Variants in SYNJ2BP observed in about 807,000 individuals in gnomAD.
The protein encoded by SYNJ2BP is synaptojanin-2-binding protein.
A neutral mutation model predicts 16.9 loss-of-function variants in SYNJ2BP; 10 were observed. The ratio of observed to expected loss-of-function variants is 0.59; its 90% CI spans 0.36 to 1.00. The LOEUF (loss-of-function observed/expected upper bound fraction) is 1.00. Among genes scored for constraint, SYNJ2BP ranks in the 50% least tolerant of loss-of-function variants. SYNJ2BP has a pLI of 0.01. For missense variants in SYNJ2BP, 162 were observed against 186.7 expected (o/e 0.87, Z 0.77); for synonymous variants, 54 against 68.4 (o/e 0.79, Z 1.04).
In SYNJ2BP at chr14:70,417,041, C is replaced by T. The variant is rs529848071; in HGVS notation, c.-78G>A. 1,438 of 1,607,028 alleles carry T rather than the reference C, an allele frequency of 8.9e-4. 2 individuals carry two copies. Among genetic ancestry groups the T allele is most frequent in the Non-Finnish European group, 9.8e-4 (1,148 of 1,175,568 alleles). ...TGAAGGTGAATCAATCTCGGCGCTGCGCCCACAGCACAGCGGTTTCGGTTT... is the reference window on the plus strand; with the variant it reads ...TGAAGGTGAATCAATCTCGGCGCTGTGCCCACAGCACAGCGGTTTCGGTTT... On this transcript the variant is annotated 5_prime_UTR_variant, in exon 1 of 4. Transcript: ENST00000256366.
intron 1 of SYNJ2BP, among the ~76,000 whole-genome samples, chr14:70,406,573 C>T (rs868046597): frequency 2.6e-5 from 4 of 152,162 alleles, no homozygotes; most frequent in African/African-American, 4.8e-5. Flanking sequence ...TGAACTTCCC[C>T]GAATTGCTCC....
At position 70,384,961 on chromosome 14, in the gene SYNJ2BP, C is replaced by A. The variant is rs1281820894; in HGVS notation, c.201+3509G>T. On this transcript the variant is annotated intron_variant, in intron 2 of 3. Transcript: ENST00000256366. The stretch of plus-strand genomic sequence containing the variant: ...ATGTCTTCTATCTCTGCCTCTCCTT[C>A]CCCTGGCTTTTCCCCTCTCTTCTTT... 2.6e-5 allele frequency among the ~76,000 whole-genome samples: 4 copies of A among 152,152 alleles called. No individual in the cohort carries two copies. The East Asian group carries it at 5.8e-4, about 22-fold the overall frequency.
At chr14:70,385,299 T>G (rs1350220326) in intron 2 of SYNJ2BP, among the ~76,000 whole-genome samples, 1 of 152,152 alleles carries the variant, frequency 6.6e-6, no homozygotes, top group Non-Finnish European at 1.5e-5. Context: ...TTTCCTTATT[T>G]CTGATTCTAC....
At chr14:70,374,894 TTA>T (rs1348930653) in intron 3 of SYNJ2BP, among the ~76,000 whole-genome samples, 1 of 151,972 alleles carries the variant, frequency 6.6e-6, no homozygotes, top group Non-Finnish European at 1.5e-5. Flanking sequence ...TTTTAATTAA[TTA>T]ATTTATTTAT....
chr14:70,416,864 T>A (rs375911835), intron 1 of SYNJ2BP, 36 bp downstream of exon 1: 99 of 1,613,842 alleles, frequency 6.1e-5, no homozygotes, highest in Non-Finnish European at 8.1e-5. Flanking sequence ...CACCCTCTAA[T>A]CCCCTACTGT....
intron 1 of SYNJ2BP, among the ~76,000 whole-genome samples, chr14:70,394,176 CACA>C (rs1566620137): frequency 6.6e-6 from 1 of 151,596 alleles, no homozygotes; most frequent in African/African-American, 2.4e-5. Flanking sequence ...ATATTCATAA[CACA>C]ACACCTCCCT....
In SYNJ2BP at chr14:70,376,527, A is replaced by G. The variant is rs371429418; in HGVS notation, c.202-756T>C. On this transcript the variant is annotated intron_variant, in intron 2 of 3. Coordinates refer to ENST00000256366, the MANE Select transcript of SYNJ2BP (RefSeq NM_018373.3). ...TATCCTATGCTGTATTCAGTGACACAGCACAGCCCACTTAGTGCAAGATTA... is the reference window on the plus strand; with the variant it reads ...TATCCTATGCTGTATTCAGTGACACGGCACAGCCCACTTAGTGCAAGATTA... 7.2e-5 allele frequency among the ~76,000 whole-genome samples: 11 copies of G among 152,366 alleles called. No individual in the cohort carries two copies. The East Asian group carries it at 2.1e-3, about 29-fold the overall frequency.
intron 2 of SYNJ2BP, among the ~76,000 whole-genome samples, chr14:70,379,909 A>T: frequency 6.6e-6 from 1 of 152,216 alleles, no homozygotes; most frequent in East Asian, 1.9e-4. Context: ...AAGGTTTCAT[A>T]GTAATATAAA....
At chr14:70,379,229 C>A (rs933044679) in intron 2 of SYNJ2BP, among the ~76,000 whole-genome samples, 7 of 152,196 alleles carry the variant, frequency 4.6e-5, no homozygotes, top group Admixed American at 3.3e-4. Flanking sequence ...CCAGATTAAT[C>A]TTCCTAAAGT....
intron 2 of SYNJ2BP, among the ~76,000 whole-genome samples, chr14:70,381,884 T>C (rs1430094577): frequency 1.3e-5 from 2 of 152,206 alleles, no homozygotes; most frequent in African/African-American, 2.4e-5. Flanking sequence ...TCATTAGTAC[T>C]TTTCCATTCA....
chr14:70,390,273 G>C (rs938403936), intron 1 of SYNJ2BP, among the ~76,000 whole-genome samples: 1 of 152,204 alleles, frequency 6.6e-6, no homozygotes, highest in African/African-American at 2.4e-5. Flanking sequence ...GTAAGACAAA[G>C]GAGATAGTTT....
rs8012966 is a variant in SYNJ2BP at position 70,396,371 on chromosome 14, C to T, written c.65-7765G>A. On this transcript the variant is annotated intron_variant, in intron 1 of 3. Coordinates refer to ENST00000256366, the MANE Select transcript of SYNJ2BP (RefSeq NM_018373.3). Reference sequence around the variant, plus strand: ...TGACCTCATGATCTGCCCGCCTCAGCCTCCCAAAGTGCTGGGATTACAGGC... The same window carrying T: ...TGACCTCATGATCTGCCCGCCTCAGTCTCCCAAAGTGCTGGGATTACAGGC... Among the ~76,000 whole-genome samples, 1,437 of 152,308 alleles carry T rather than the reference C, an allele frequency of 9.4e-3. 27 individuals carry two copies. Among genetic ancestry groups the T allele is most frequent in the African/African-American group, 0.032 (1,344 of 41,558 alleles).
intron 2 of SYNJ2BP, among the ~76,000 whole-genome samples, chr14:70,387,965 C>T (rs1038662532): frequency 2.0e-5 from 3 of 151,976 alleles, no homozygotes; most frequent in Non-Finnish European, 4.4e-5. Context: ...GGACAGGTAC[C>T]CAAATCAACT....
intron 1 of SYNJ2BP, among the ~76,000 whole-genome samples, chr14:70,398,030 T>G (rs1888143920): frequency 1.3e-5 from 2 of 152,250 alleles, no homozygotes; most frequent in Non-Finnish European, 2.9e-5. Flanking sequence ...TCCCAATGAG[T>G]GTTCAACTCT....
intron 3 of SYNJ2BP, among the ~76,000 whole-genome samples, chr14:70,374,868 C>G (rs147151434): frequency 1.3e-5 from 2 of 152,102 alleles, no homozygotes; most frequent in East Asian, 3.9e-4. Context: ...AAATTGGCTA[C>G]GTTTTTTTAC....
At chr14:70,399,600 G>A (rs1289108755) in intron 1 of SYNJ2BP, among the ~76,000 whole-genome samples, 1 of 150,312 alleles carries the variant, frequency 6.7e-6, no homozygotes, top group East Asian at 1.9e-4. Flanking sequence ...TGCTCCCGCA[G>A]CCACTCCTGC....
Position 70,367,522 on chromosome 14 carries a change from A to C in SYNJ2BP, c.*5469T>G, listed in dbSNP as rs1594936561. 7.2e-6 allele frequency: 1 copy of C among 139,778 alleles called. No individual in the cohort carries two copies. Among genetic ancestry groups the C allele is most frequent in the African/African-American group, 2.8e-5 (1 of 36,260 alleles). The allele number at this position is 139,778 out of a possible 1,614,324, so 8.7% of individuals were successfully genotyped here. On this transcript the variant is annotated 3_prime_UTR_variant, in exon 4 of 4. Coordinates refer to ENST00000256366, the MANE Select transcript of SYNJ2BP (RefSeq NM_018373.3). ...GATTGCAGTGAGCTGAGATCGTGCC[A>C]CTGCACTCCAGCCTAGGCGACAGAG...
intron 1 of SYNJ2BP, among the ~76,000 whole-genome samples, chr14:70,392,018 G>A (rs550950720): frequency 2.0e-5 from 3 of 152,242 alleles, no homozygotes; most frequent in South Asian, 2.1e-4. Flanking sequence ...TGGGCTGTAC[G>A]GATACCTACA....
At position 70,368,338 on chromosome 14, in the gene SYNJ2BP, A is replaced by G. The variant is rs567310488; in HGVS notation, c.*4653T>C. The G allele has an allele frequency of 1.3e-5, 2 of 152,364 alleles. No individual in the cohort carries two copies. The highest frequency in any genetic ancestry group is 4.1e-4 in the South Asian group (2 of 4,830). The allele number at this position is 152,364 out of a possible 1,614,324, so 9.4% of individuals were successfully genotyped here. A position where few individuals can be genotyped will look rare whatever the true frequency, so the allele number is the denominator to read the frequency against. On this transcript the variant is annotated 3_prime_UTR_variant, in exon 4 of 4. Coordinates refer to ENST00000256366, the MANE Select transcript of SYNJ2BP (RefSeq NM_018373.3). ...GCCCAAAGAGAGAAGAAAGAAGTAG[A>G]CTAAGATAAAATGGGTAGTCTGTGT...
Sources: allele counts gnomAD v4.1 joint callset (sites outside exome capture counted in the v4.1 genomes callset), GRCh38; gene constraint gnomAD v4.1.1; transcripts MANE v1.5; gene names NCBI Gene and HGNC (gene_info 2026-07-23, HGNC 2026-07-21).